RIN2: variants seen among roughly 807,000 people sequenced by gnomAD.
RIN2 encodes RAB5 interacting protein 2.
In RIN2, 36 loss-of-function variants were observed where a neutral mutation model predicts 78.0. That is an observed-to-expected ratio of 0.46 (90% CI 0.35 to 0.61). The LOEUF (loss-of-function observed/expected upper bound fraction) is 0.61. RIN2 is among the 20% of genes least tolerant of loss of function. The pLI is 0.00. For synonymous variants in RIN2, 466 were observed against 466.8 expected, an observed-to-expected ratio of 1.00 and a Z score of 0.02; for missense variants, 1,087 against 1,159.7, an observed-to-expected ratio of 0.94 and a Z score of 0.91.
In RIN2 at chr20:20,000,961, T is replaced by G; in HGVS notation, c.*25T>G. The G allele has an allele frequency of 6.3e-7, 1 of 1,581,132 alleles. No individual in the cohort carries two copies. Among genetic ancestry groups the G allele is most frequent in the Non-Finnish European group, 8.6e-7 (1 of 1,162,398 alleles). ...GAAGACAGGCGGGACTTCCCAGTGG[T>G]GCATCCAAAGGGGAGCTGGAAGCCT... On this transcript the variant is annotated 3_prime_UTR_variant, in exon 13 of 13. Transcript: ENST00000255006.
chr20:19,934,158 G>A (rs990556808), intron 3 of RIN2, among the ~76,000 whole-genome samples: 5 of 152,096 alleles, frequency 3.3e-5, no homozygotes, highest in Non-Finnish European at 7.4e-5. Flanking sequence ...TGTTTGTATG[G>A]ATCATATCTA....
At chr20:19,883,397 C>T (rs111428669) in intron 2 of RIN2, among the ~76,000 whole-genome samples, 1,713 of 146,266 alleles carry the variant, frequency 0.012, 29 homozygotes, top group African/African-American at 0.042. Context: ...TGGAGTGCAG[C>T]GGAGCGATAA....
intron 2 of RIN2, among the ~76,000 whole-genome samples, chr20:19,851,082 A>T (rs546842594): frequency 5.4e-4 from 81 of 150,044 alleles, no homozygotes; most frequent in African/African-American, 2.0e-3. Flanking sequence ...GGAAGGAAGG[A>T]AGGTAGGAAG....
rs11352724 is a variant in RIN2, at chr20:19,848,534, C to CAA, written c.-36-41011_-36-41010dup. On this transcript the variant is annotated intron_variant, in intron 2 of 12. Coordinates refer to ENST00000255006, the MANE Select transcript of RIN2 (RefSeq NM_018993.4). ...CTGGTGACAGAGCAAGACTCCATCT[C>CAA]AAAAAAAAAAAAAAAAAAAAAAGAG... 6.4e-3 allele frequency among the ~76,000 whole-genome samples: 324 copies of CAA among 50,644 alleles called. 1 individual carries two copies. The highest frequency in any genetic ancestry group is 9.3e-3 in the Non-Finnish European group (200 of 21,440). The allele number at this position is 50,644 out of a possible 152,430, so 33.2% of individuals were successfully genotyped here.
chr20:19,787,422 TAAAAA>T (rs541323014), intron 1 of RIN2, among the ~76,000 whole-genome samples: 4 of 85,890 alleles, frequency 4.7e-5, no homozygotes, highest in East Asian at 3.4e-4. Flanking sequence ...GACTCCATCT[TAAAAA>T]AAAAAAAAAA....
In RIN2 at chr20:19,902,262, G is replaced by A. The variant is rs188744299; in HGVS notation, c.57+12604G>A. Among the ~76,000 whole-genome samples the A allele has an allele frequency of 9.9e-5, 15 of 152,188 alleles. No homozygotes were observed. The East Asian group carries it at 1.5e-3, about 16-fold the overall frequency. Reference sequence around the variant, plus strand: ...GACCCAGCACTCATTGGACTCCTCCGACTCTCCTTGAGTCCTTGAGATGCT... The same window carrying A: ...GACCCAGCACTCATTGGACTCCTCCAACTCTCCTTGAGTCCTTGAGATGCT... On this transcript the variant is annotated intron_variant, in intron 3 of 12. Transcript: ENST00000255006.
At chr20:19,784,628 G>A (rs949637957) in intron 1 of RIN2, among the ~76,000 whole-genome samples, 1 of 152,144 alleles carries the variant, frequency 6.6e-6, no homozygotes, top group Non-Finnish European at 1.5e-5. Flanking sequence ...ATTACTAAGA[G>A]ACAAAATTCT....
chr20:19,898,518 G>T (rs572948577), intron 3 of RIN2, among the ~76,000 whole-genome samples: 4 of 152,280 alleles, frequency 2.6e-5, no homozygotes, highest in Admixed American at 6.5e-5. Flanking sequence ...TAGTAAAACT[G>T]GTTCAAAAAA....
chr20:19,927,099 G>A (rs528448503), intron 3 of RIN2, among the ~76,000 whole-genome samples: 1 of 152,202 alleles, frequency 6.6e-6, no homozygotes, highest in Non-Finnish European at 1.5e-5. Context: ...TGGACTCCGC[G>A]GACATTGTTT....
intron 2 of RIN2, among the ~76,000 whole-genome samples, chr20:19,877,756 T>C (rs2037900065): frequency 6.6e-6 from 1 of 152,082 alleles, no homozygotes. Context: ...CAGTGGTTCA[T>C]GCCTATAATC....
intron 5 of RIN2, among the ~76,000 whole-genome samples, chr20:19,959,280 G>A (rs537433635): frequency 6.0e-4 from 91 of 152,242 alleles, no homozygotes; most frequent in African/African-American, 2.0e-3. Context: ...AAGGCCTAGA[G>A]GTTGCACTCC....
intron 4 of RIN2, among the ~76,000 whole-genome samples, chr20:19,937,415 G>A (rs1192227262): frequency 6.6e-6 from 1 of 152,180 alleles, no homozygotes; most frequent in Non-Finnish European, 1.5e-5. Context: ...AGCTTCCTCT[G>A]CAGCTTCGTA....
intron 7 of RIN2, among the ~76,000 whole-genome samples, chr20:19,965,986 T>G (rs2041926400): frequency 6.6e-6 from 1 of 152,216 alleles, no homozygotes; most frequent in Non-Finnish European, 1.5e-5. Flanking sequence ...TTTTCCATTT[T>G]TTTCTTACTA....
intron 8 of RIN2, among the ~76,000 whole-genome samples, chr20:19,973,283 G>A (rs1385239241): frequency 6.6e-6 from 1 of 152,204 alleles, no homozygotes; most frequent in Non-Finnish European, 1.5e-5. Flanking sequence ...ATAGCCACCT[G>A]TGGCTGTTGG....
At chr20:19,952,389 A>G (rs1263122366) in intron 4 of RIN2, among the ~76,000 whole-genome samples, 1 of 152,178 alleles carries the variant, frequency 6.6e-6, no homozygotes, top group Admixed American at 6.5e-5. Flanking sequence ...TACATGTTCA[A>G]TGTTCTCACA....
At chr20:19,842,414 GTA>G in intron 2 of RIN2, among the ~76,000 whole-genome samples, 1 of 51,150 alleles carries the variant, frequency 2.0e-5, no homozygotes, top group Non-Finnish European at 3.8e-5. Flanking sequence ...TTTTTTTTTT[GTA>G]TTTTTAGTAG....
At chr20:19,928,620 G>A (rs117731965) in intron 3 of RIN2, among the ~76,000 whole-genome samples, 3 of 152,180 alleles carry the variant, frequency 2.0e-5, no homozygotes, top group African/African-American at 4.8e-5. Flanking sequence ...CAAAGGGCTG[G>A]GAAAGAACTT....
At chr20:19,854,229 A>T (rs1254131800) in intron 2 of RIN2, among the ~76,000 whole-genome samples, 1 of 152,092 alleles carries the variant, frequency 6.6e-6, no homozygotes, top group Admixed American at 6.6e-5. Context: ...GTTCTGTTCC[A>T]TTGGTCTATA....
chr20:19,861,103 A>C (rs1257376219), intron 2 of RIN2, among the ~76,000 whole-genome samples: 1 of 152,222 alleles, frequency 6.6e-6, no homozygotes. Context: ...GAAAATATTC[A>C]GCAGAGTCAA....
Sources: allele counts gnomAD v4.1 joint callset (sites outside exome capture counted in the v4.1 genomes callset), GRCh38; gene constraint gnomAD v4.1.1; transcripts MANE v1.5; gene names NCBI Gene and HGNC (gene_info 2026-07-23, HGNC 2026-07-21).